Variants in TRPM1 observed in about 807,000 individuals in gnomAD.
TRPM1 encodes transient receptor potential cation channel subfamily M member 1, also known as TRPM1-203 APA Isoform, Intron 10.
A neutral mutation model predicts 149.4 loss-of-function variants in TRPM1; 113 were observed. That is an observed-to-expected ratio of 0.76 (90% CI 0.65 to 0.88). TRPM1 has a LOEUF of 0.88. Ranked by LOEUF, TRPM1 falls within the 40% of genes least tolerant of loss-of-function variation. The probability of loss-of-function intolerance (pLI) is 0.00; values close to 1 mark genes in which losing one functional copy is unlikely to be tolerated. For missense variants in TRPM1, 1,976 were observed against 2,038.7 expected, an observed-to-expected ratio of 0.97 and a Z score of 0.59; for synonymous variants, 741 against 759.5, an observed-to-expected ratio of 0.98 and a Z score of 0.40.
At chr15:31,103,040 G>T (rs370748616), upstream of TRPM1, among the ~76,000 whole-genome samples, 10 of 152,338 alleles carry the variant, frequency 6.6e-5, no homozygotes, top group African/African-American at 2.4e-4. Context: ...AATCAGTCTG[G>T]GAGCAGTGGG....
At chr15:31,067,242 A>T (rs763336319) in intron 5 of TRPM1, 55 bp from the exon 6 acceptor site, 96 of 1,613,784 alleles carry the variant, frequency 5.9e-5, no homozygotes, top group Non-Finnish European at 7.9e-5. Context: ...GCACACCATC[A>T]TTCATGAAAT....
rs375136665 is a variant in TRPM1, at chr15:31,027,001, C to A, written c.3410G>T (p.Ser1137Ile). The A allele has an allele frequency of 9.5e-5, 153 of 1,614,060 alleles. No homozygotes were observed. The highest frequency in any genetic ancestry group is 4.9e-4 in the Middle Eastern group (3 of 6,084). ...ACGCATAATGATGATGTAGATGTGG[C>A]TTAAAATGATCATCGGTGGGGGCAG... is the stretch of plus-strand genomic sequence containing the variant. ...PVLPPPMIIL[S>I]HIYIIIMRLS... Residue 1137 changes from serine (S) to isoleucine (I), a missense_variant, in exon 26 of 28, where the codon AGC becomes ATC. Ser to Ile is a moderately radical substitution (Grantham distance 142). Around this residue, in one of 3 missense-constraint regions of TRPM1, gnomAD observed 72 missense variants for 112.7 expected, o/e 0.64. Coordinates refer to ENST00000256552, the MANE Select transcript of TRPM1 (RefSeq NM_001252024.2).
intron 1 of TRPM1, among the ~76,000 whole-genome samples, chr15:31,091,034 T>G (rs1596063202): frequency 6.6e-6 from 1 of 152,344 alleles, no homozygotes; most frequent in East Asian, 1.9e-4. Flanking sequence ...TGAAGTTTCT[T>G]AAGCATTAGC....
At chr15:31,006,239 G>A (rs7182571) in intron 27 of TRPM1, among the ~76,000 whole-genome samples, 35,100 of 151,812 alleles carry the variant, frequency 0.23, 4,596 homozygotes, top group Non-Finnish European at 0.29. Context: ...GTACAGTGGC[G>A]CAATTTCCGC....
intron 1 of TRPM1, among the ~76,000 whole-genome samples, chr15:31,149,479 C>G (rs1209968547): frequency 6.6e-6 from 1 of 151,078 alleles, no homozygotes; most frequent in South Asian, 2.1e-4. Flanking sequence ...TGCCTGGGTC[C>G]TTGGGGTGCA....
At chr15:31,088,869 A>G (rs888046395) in intron 1 of TRPM1, among the ~76,000 whole-genome samples, 3 of 39,184 alleles carry the variant, frequency 7.7e-5, no homozygotes, top group African/African-American at 2.3e-4. Context: ...GGGTATTGAC[A>G]TTTGGCCCCC....
At chr15:31,080,636 C>A (rs1268420753) in intron 2 of TRPM1, among the ~76,000 whole-genome samples, 1 of 135,386 alleles carries the variant, frequency 7.4e-6, no homozygotes, top group African/African-American at 2.8e-5. Context: ...CCAAGTCCGC[C>A]CCCATCGTCC....
intron 27 of TRPM1, among the ~76,000 whole-genome samples, chr15:31,012,842 T>C (rs954294842): frequency 2.0e-5 from 3 of 152,152 alleles, no homozygotes; most frequent in Admixed American, 2.0e-4. Flanking sequence ...TTTAACTGAT[T>C]TATCTTCCAG....
chr15:31,060,645 C>A lies in TRPM1; in HGVS notation c.1163-1G>T. ...TGATCTGGAGCAGATACGTTTGTTC[C>A]TGGAAAGGCAAGAAACCGGAATGAT... On this transcript the variant is annotated splice_acceptor_variant, in intron 10 of 27. Coordinates refer to ENST00000256552, the MANE Select transcript of TRPM1 (RefSeq NM_001252024.2). LOFTEE classifies it high-confidence loss of function. The A allele has an allele frequency of 6.2e-7, 1 of 1,613,910 alleles. No homozygotes were observed. The highest frequency in any genetic ancestry group is 1.1e-5 in the South Asian group (1 of 90,992).
At chr15:31,075,527 G>A (rs768468461) in intron 3 of TRPM1, among the ~76,000 whole-genome samples, 9 of 152,294 alleles carry the variant, frequency 5.9e-5, no homozygotes, top group African/African-American at 1.9e-4. Context: ...AGTGGGGCAC[G>A]GGTGGAAGAA....
At chr15:31,123,360 T>C (rs8038969) in intron 1 of TRPM1, among the ~76,000 whole-genome samples, 76,843 of 151,960 alleles carry the variant, frequency 0.51, 20,013 homozygotes, top group Middle Eastern at 0.55. Flanking sequence ...AAACTTCTGC[T>C]CTGTAAAAGA....
chr15:31,016,981 ACACACAC>A (rs760296581), intron 27 of TRPM1, among the ~76,000 whole-genome samples: 58 of 134,944 alleles, frequency 4.3e-4, no homozygotes, highest in Admixed American at 8.6e-4. Context: ...ACACACACAC[ACACACAC>A]AAAAAAAAAA....
In TRPM1 at chr15:31,017,048, T is replaced by C. The variant is rs192544790; in HGVS notation, c.3629+9091A>G. 3.9e-3 allele frequency among the ~76,000 whole-genome samples: 598 copies of C among 152,172 alleles called. 4 individuals carry two copies. The highest frequency in any genetic ancestry group is 0.014 in the African/African-American group (577 of 41,512). On this transcript the variant is annotated intron_variant, in intron 27 of 27. Transcript: ENST00000256552. ...GGCCGGTTGTGGTGGTTCACGCCTG[T>C]AATCCTAGCACTTTGGGAGGCCAAG... is the stretch of plus-strand genomic sequence containing the variant.
chr15:31,034,637 C>T (rs2033261078), intron 21 of TRPM1, among the ~76,000 whole-genome samples: 2 of 152,220 alleles, frequency 1.3e-5, no homozygotes, highest in Non-Finnish European at 1.5e-5. Flanking sequence ...GACTGGGAGC[C>T]CTCCCTTCAT....
At position 31,158,541 on chromosome 15, in the gene TRPM1, C is replaced by T. The variant is rs565824878; in HGVS notation, c.54+2365G>A. Among the ~76,000 whole-genome samples the T allele has an allele frequency of 1.1e-4, 17 of 149,742 alleles. No homozygotes were observed. The East Asian group carries it at 2.8e-3, about 24-fold the overall frequency. ...ACTTGGGAGGCTGAGGCAGGAGAAT[C>T]GCTTGAACCCGGGAGGTGGAGGTTG... On this transcript the variant is annotated intron_variant, in intron 1 of 26. Transcript: ENST00000542188.
intron 27 of TRPM1, among the ~76,000 whole-genome samples, chr15:31,019,956 A>G (rs73368457): frequency 0.019 from 2,961 of 152,340 alleles, 92 homozygotes; most frequent in African/African-American, 0.067. Flanking sequence ...GGTGTGAGCC[A>G]CTGCTCCCGG....
intron 1 of TRPM1, among the ~76,000 whole-genome samples, chr15:31,154,572 T>C (rs1412275697): frequency 6.6e-6 from 1 of 152,220 alleles, no homozygotes; most frequent in African/African-American, 2.4e-5. Context: ...AGTTTATAAT[T>C]TATAGTTTAA....
chr15:31,094,720 A>T (rs1351575855), intron 1 of TRPM1, among the ~76,000 whole-genome samples: 6 of 152,250 alleles, frequency 3.9e-5, no homozygotes, highest in African/African-American at 1.4e-4. Flanking sequence ...AAATAAAAAA[A>T]TAGTAACCAG....
chr15:31,101,586 G>T, intron 1 of TRPM1, 71 bp downstream of exon 1: 1 of 927,876 alleles, frequency 1.1e-6, no homozygotes, highest in Non-Finnish European at 1.3e-6. Flanking sequence ...GTCCACGCTT[G>T]AGTTTACCCA....
Sources: gnomAD v4.1 joint callset for allele counts (sites outside exome capture counted in the v4.1 genomes callset) on GRCh38, gnomAD v4.1.1 for gene constraint, gnomAD v4.1.1 regional missense constraint, MANE v1.5 for transcripts, NCBI Gene and HGNC (gene_info 2026-07-23, HGNC 2026-07-21) for gene names.